GABRG3: variants seen among roughly 807,000 people sequenced by gnomAD.
GABRG3 encodes gamma-aminobutyric acid receptor subunit gamma-3.
In GABRG3, 25 loss-of-function variants were observed where a neutral mutation model predicts 48.8. The ratio of observed to expected loss-of-function variants is 0.51; its 90% CI spans 0.37 to 0.72. GABRG3 has a LOEUF of 0.72. Among genes scored for constraint, GABRG3 ranks in the 30% least tolerant of loss-of-function variants. GABRG3 has a pLI of 0.00. For synonymous variants in GABRG3, 227 were observed against 217.6 expected (o/e 1.04, Z -0.38); for missense variants, 394 against 577.9 (o/e 0.68, Z 3.26).
chr15:27,075,435 A>G (rs1566928157), intron 3 of GABRG3, among the ~76,000 whole-genome samples: 1 of 152,204 alleles, frequency 6.6e-6, no homozygotes, highest in Non-Finnish European at 1.5e-5. Flanking sequence ...ACATTGCAGG[A>G]GCTCAGTGCT....
At chr15:27,026,951 C>A in intron 3 of GABRG3, 130 bp downstream of exon 3, 2 of 536,532 alleles carry the variant, frequency 3.7e-6, no homozygotes, top group Non-Finnish European at 6.4e-6. Context: ...ATCTGTAACA[C>A]TTATTGGAAT....
chr15:27,407,993 C>T (rs1448859954), intron 5 of GABRG3, among the ~76,000 whole-genome samples: 1 of 152,162 alleles, frequency 6.6e-6, no homozygotes, highest in Non-Finnish European at 1.5e-5. Context: ...GTAGTAAATG[C>T]ACCACTCTGG....
chr15:27,135,769 G>A (rs992414305), intron 3 of GABRG3, among the ~76,000 whole-genome samples: 3 of 152,126 alleles, frequency 2.0e-5, no homozygotes, highest in Non-Finnish European at 4.4e-5. Context: ...GCCAGTCATG[G>A]TGGTGTGCGC....
At chr15:27,350,234 C>T (rs984524385) in intron 5 of GABRG3, 3 of 454,768 alleles carry the variant, frequency 6.6e-6, no homozygotes, top group Non-Finnish European at 1.3e-5. Context: ...CGCTTCCATT[C>T]GTGGGGAAAT....
intron 3 of GABRG3, among the ~76,000 whole-genome samples, chr15:27,114,002 G>C (rs1897600555): frequency 6.6e-6 from 1 of 152,210 alleles, no homozygotes; most frequent in Non-Finnish European, 1.5e-5. Flanking sequence ...ATATTTGATA[G>C]ATTTCAATCC....
chr15:27,007,837 T>C (rs1895616425), intron 2 of GABRG3, among the ~76,000 whole-genome samples: 1 of 152,184 alleles, frequency 6.6e-6, no homozygotes, highest in African/African-American at 2.4e-5. Context: ...AGTTTGCAAA[T>C]ATTTTCATCC....
intron 3 of GABRG3, among the ~76,000 whole-genome samples, chr15:27,109,752 C>T (rs1359836151): frequency 4.6e-5 from 7 of 152,104 alleles, no homozygotes; most frequent in Non-Finnish European, 1.0e-4. Context: ...TGTGGTGGCA[C>T]GTGTCTGTGG....
intron 6 of GABRG3, among the ~76,000 whole-genome samples, chr15:27,485,525 C>G (rs2046112947): frequency 1.3e-5 from 2 of 152,078 alleles, no homozygotes; most frequent in South Asian, 4.1e-4. Context: ...ACAGCAAGTG[C>G]AAAATAGACT....
chr15:27,366,976 C>T (rs903383260), intron 5 of GABRG3, among the ~76,000 whole-genome samples: 1 of 152,166 alleles, frequency 6.6e-6, no homozygotes, highest in African/African-American at 2.4e-5. Context: ...GACCCTCTGT[C>T]AGCTCACTTC....
intron 1 of GABRG3, among the ~76,000 whole-genome samples, chr15:26,973,252 C>G (rs939314158): frequency 6.6e-6 from 1 of 152,200 alleles, no homozygotes; most frequent in Non-Finnish European, 1.5e-5. Context: ...AGTCCGGTTA[C>G]TGGGGATTCC....
chr15:27,173,620 C>G (rs1267794169), intron 3 of GABRG3, among the ~76,000 whole-genome samples: 1 of 150,356 alleles, frequency 6.7e-6, no homozygotes, highest in Non-Finnish European at 1.5e-5. Flanking sequence ...TCTGTAATCC[C>G]AGTGCTTTGA....
intron 5 of GABRG3, among the ~76,000 whole-genome samples, chr15:27,354,371 T>C (rs1165984913): frequency 6.6e-6 from 1 of 152,200 alleles, no homozygotes; most frequent in African/African-American, 2.4e-5. Context: ...GAATCATTTC[T>C]AATCAACAAA....
chr15:27,510,324 A>C (rs1890866376), intron 6 of GABRG3, among the ~76,000 whole-genome samples: 1 of 115,840 alleles, frequency 8.6e-6, no homozygotes, highest in Non-Finnish European at 1.5e-5. Flanking sequence ...AGATGTAATG[A>C]TGTTGGGCCC....
intron 3 of GABRG3, among the ~76,000 whole-genome samples, chr15:27,309,701 T>C (rs1429907129): frequency 6.6e-6 from 1 of 152,084 alleles, no homozygotes; most frequent in East Asian, 1.9e-4. Flanking sequence ...ACTTGAAATT[T>C]TGTAAATTGC....
At chr15:27,491,860 C>T (rs914398603) in intron 6 of GABRG3, among the ~76,000 whole-genome samples, 3 of 152,104 alleles carry the variant, frequency 2.0e-5, no homozygotes, top group Admixed American at 1.3e-4. Flanking sequence ...TTCAAATATG[C>T]GGGCTATTTA....
At chr15:27,529,225 T>G (rs999391915) in intron 9 of GABRG3, among the ~76,000 whole-genome samples, 1 of 152,252 alleles carries the variant, frequency 6.6e-6, no homozygotes, top group Admixed American at 6.5e-5. Flanking sequence ...GACCAAGGTT[T>G]GACAATTTAA....
At position 27,541,673 on chromosome 15, in the gene GABRG3, C is replaced by G. The variant is rs1374788941; in HGVS notation, c.*8792C>G. 2.0e-5 allele frequency: 3 copies of G among 152,326 alleles called. No homozygotes were observed. Among genetic ancestry groups the G allele is most frequent in the Admixed American group, 6.5e-5 (1 of 15,286 alleles). 9.4% of individuals were successfully genotyped at this position (152,326 alleles called of 1,614,324 possible). The stretch of plus-strand genomic sequence containing the variant: ...GCCCTCACCAAGTGGCCTCCAGTAG[C>G]CCCTGTGTCCCTGTCGTCCCGCGAG... On this transcript the variant is annotated 3_prime_UTR_variant, in exon 10 of 10. Coordinates refer to ENST00000615808, the MANE Select transcript of GABRG3 (RefSeq NM_033223.5).
At chr15:27,002,192 G>A (rs1351799012) in intron 2 of GABRG3, among the ~76,000 whole-genome samples, 2 of 152,152 alleles carry the variant, frequency 1.3e-5, no homozygotes, top group South Asian at 2.1e-4. Context: ...TTGTATAACT[G>A]TAATACAATT....
At position 26,975,318 on chromosome 15, in the gene GABRG3, T is replaced by G. The variant is rs1894920215; in HGVS notation, c.54-1684T>G. ...TAAAAATTCCTATCGATCGTGAATA[T>G]CCAATGTGCATAAAAATCAACAGCA... On this transcript the variant is annotated intron_variant, in intron 1 of 9. Transcript: ENST00000615808. This position sits in a 1 kb window ranked among gnomAD's most constrained non-coding sequence, Gnocchi z 4.6. 6.6e-6 allele frequency among the ~76,000 whole-genome samples: 1 copy of G among 152,204 alleles called. No individual in the cohort carries two copies. The highest frequency in any genetic ancestry group is 2.4e-5 in the African/African-American group (1 of 41,456).
Sources: gnomAD v4.1 joint callset for allele counts (sites outside exome capture counted in the v4.1 genomes callset) on GRCh38, gnomAD v4.1.1 for gene constraint, Gnocchi (gnomAD v3.1) non-coding constraint, MANE v1.5 for transcripts, NCBI Gene and HGNC (gene_info 2026-07-23, HGNC 2026-07-21) for gene names.